TRPC5: variants seen among roughly 807,000 people sequenced by gnomAD.
TRPC5 encodes transient receptor potential cation channel subfamily C member 5.
A neutral mutation model predicts 56.5 loss-of-function variants in TRPC5; 9 were observed. That is an observed-to-expected ratio of 0.16 (90% confidence interval 0.10 to 0.28). The LOEUF is 0.28. Ranked by LOEUF, TRPC5 falls within the 10% of genes least tolerant of loss-of-function variation. TRPC5 has a pLI of 1.00. For missense variants in TRPC5, 469 were observed against 748.9 expected (o/e 0.63, Z 4.36); for synonymous variants, 282 against 278.5 (o/e 1.01, Z -0.13).
At chrX:111,866,064 G>C (rs1406872836) in intron 3 of TRPC5, among the ~76,000 whole-genome samples, 1 of 113,108 alleles carries the variant, frequency 8.8e-6, no homozygotes, top group Non-Finnish European at 1.9e-5. Context: ...GGTGGAGCCA[G>C]GACTGGGGAA....
chrX:111,994,590 T>C (rs766884710), intron 1 of TRPC5, among the ~76,000 whole-genome samples: 1 of 111,645 alleles, frequency 9.0e-6, no homozygotes, highest in East Asian at 2.8e-4. Flanking sequence ...GAGCAGTGGT[T>C]TGTAGTTCTC....
chrX:111,937,826 C>A (rs1312132564), intron 2 of TRPC5, among the ~76,000 whole-genome samples: 1 of 106,488 alleles, frequency 9.4e-6, no homozygotes, highest in Non-Finnish European at 1.9e-5. Context: ...CTTGGCCATG[C>A]GGGCTCTTTT....
intron 1 of TRPC5, among the ~76,000 whole-genome samples, chrX:112,051,871 C>A (rs1449667944): frequency 8.9e-6 from 1 of 112,134 alleles, no homozygotes; most frequent in African/African-American, 3.2e-5. Context: ...TTGATTCACA[C>A]AGAAGTTGGC....
intron 1 of TRPC5, among the ~76,000 whole-genome samples, chrX:112,018,520 G>A (rs1248192717): frequency 8.9e-6 from 1 of 112,111 alleles, no homozygotes; most frequent in Non-Finnish European, 1.9e-5. Flanking sequence ...TCTTTCTCAT[G>A]TCTTTTCAGA....
chrX:111,833,491 T>A (rs1480430694), intron 7 of TRPC5, among the ~76,000 whole-genome samples: 1 of 111,223 alleles, frequency 9.0e-6, no homozygotes, highest in Admixed American at 9.6e-5. Flanking sequence ...ATCTAAACTA[T>A]CCTAGCAGAC....
chrX:111,797,746 A>T (rs2179791), intron 7 of TRPC5, among the ~76,000 whole-genome samples: 2,063 of 111,527 alleles, frequency 0.018, 20 homozygotes, highest in Non-Finnish European at 0.026. Flanking sequence ...TGCTGTATTA[A>T]TCTAAGAAAC....
intron 1 of TRPC5, among the ~76,000 whole-genome samples, chrX:112,033,325 A>G (rs1375489543): frequency 1.6e-4 from 17 of 108,634 alleles, no homozygotes; most frequent in African/African-American, 5.7e-4. Context: ...ATATGTAACA[A>G]ACCTGCATGT....
chrX:112,041,616 C>T (rs774142611), intron 1 of TRPC5, among the ~76,000 whole-genome samples: 19 of 111,660 alleles, frequency 1.7e-4, no homozygotes, highest in African/African-American at 5.9e-4. Flanking sequence ...CTTAAAACTG[C>T]TATACTCTAC....
intron 1 of TRPC5, among the ~76,000 whole-genome samples, chrX:112,059,398 C>G (rs557708208): frequency 1.8e-5 from 2 of 112,401 alleles, no homozygotes; most frequent in East Asian, 2.8e-4. Flanking sequence ...TTCTCCTTGC[C>G]TACTGTTATT....
chrX:111,968,231 T>C (rs1239796007), intron 1 of TRPC5, among the ~76,000 whole-genome samples: 3 of 111,129 alleles, frequency 2.7e-5, no homozygotes, highest in South Asian at 3.8e-4. Context: ...AAAATGCTCA[T>C]CATCACTGGC....
chrX:111,937,195 G>GT (rs1319522366), intron 2 of TRPC5, among the ~76,000 whole-genome samples: 72 of 105,672 alleles, frequency 6.8e-4, no homozygotes, highest in African/African-American at 2.6e-3. Context: ...GGAGTTGTTT[G>GT]TTTTTTTCTT....
In TRPC5 at chrX:111,846,728, C is replaced by T. The variant is rs186022904; in HGVS notation, c.1700+386G>A. Among the ~76,000 whole-genome samples, 6 of 112,248 alleles carry T rather than the reference C, an allele frequency of 5.3e-5. No homozygotes were observed. In the East Asian group the frequency reaches 8.4e-4, roughly 16 times the overall value. On this transcript the variant is annotated intron_variant, in intron 6 of 10. Coordinates refer to ENST00000262839, the MANE Select transcript of TRPC5 (RefSeq NM_012471.3). The stretch of plus-strand genomic sequence containing the variant: ...AGTAAAGTTAGCTTTGGTAGCCACT[C>T]GTTCAGAGGAATAGCTTTGCTGTTT...
intron 3 of TRPC5, among the ~76,000 whole-genome samples, chrX:111,898,517 C>A (rs370731004): frequency 9.2e-6 from 1 of 108,762 alleles, no homozygotes; most frequent in East Asian, 2.9e-4. Context: ...GAAAGTTGTT[C>A]CTCCCTCCCT....
chrX:111,943,035 G>A (rs1926823206), intron 2 of TRPC5, among the ~76,000 whole-genome samples: 1 of 111,251 alleles, frequency 9.0e-6, no homozygotes, highest in African/African-American at 3.3e-5. Context: ...CATTTATTGA[G>A]TACTTACTAG....
In TRPC5 at chrX:111,989,086, G is replaced by A. The variant is rs1293758431; in HGVS notation, c.-21-36645C>T. Among the ~76,000 whole-genome samples, 3 of 111,338 alleles carry A rather than the reference G, an allele frequency of 2.7e-5. No homozygotes were observed. The East Asian group carries it at 8.4e-4, about 31-fold the overall frequency. Reference sequence around the variant, plus strand: ...CTTGTTCCCTTTGCCTCATCCTGACGATGTACCTGGATGCATATCCTATAC... The same window carrying A: ...CTTGTTCCCTTTGCCTCATCCTGACAATGTACCTGGATGCATATCCTATAC... On this transcript the variant is annotated intron_variant, in intron 1 of 10. Transcript: ENST00000262839.
At position 111,771,773 on chromosome X, in the gene TRPC5, CT is replaced by C. The variant is rs35353450; in HGVS notation, c.*4539del. ...CAGGTAAGTTATTCTGACCTAAATGCTTTTTTTTTTTTTAAACAAAACCAGG... is the reference window on the plus strand; with the variant it reads ...CAGGTAAGTTATTCTGACCTAAATGCTTTTTTTTTTTTAAACAAAACCAGG... On this transcript the variant is annotated 3_prime_UTR_variant, in exon 11 of 11. Transcript: ENST00000262839. Among the ~76,000 whole-genome samples, 8,874 of 100,812 alleles carry C rather than the reference CT, an allele frequency of 0.088. 839 individuals are homozygous for C. Among genetic ancestry groups the C allele is most frequent in the African/African-American group, 0.27 (7,632 of 28,127 alleles). The allele number at this position is 100,812 out of a possible 115,157, so 87.5% of individuals were successfully genotyped here.
At chrX:111,987,917 T>G (rs1859018674) in intron 1 of TRPC5, among the ~76,000 whole-genome samples, 1 of 112,513 alleles carries the variant, frequency 8.9e-6, no homozygotes, top group South Asian at 3.6e-4. Context: ...TTCTGCCAAT[T>G]CAATTGTTAA....
chrX:111,950,241 C>T (rs1452644361), intron 2 of TRPC5, among the ~76,000 whole-genome samples: 1 of 110,158 alleles, frequency 9.1e-6, no homozygotes, highest in Non-Finnish European at 1.9e-5. Context: ...AGGAGAATGG[C>T]ATCAACCCAG....
intron 2 of TRPC5, among the ~76,000 whole-genome samples, chrX:111,921,619 TAAAG>T (rs1207995158): frequency 9.0e-6 from 1 of 110,512 alleles, no homozygotes; most frequent in Non-Finnish European, 1.9e-5. Context: ...AAAGGAAAAA[TAAAG>T]ATAGGGGGAG....
Sources: gnomAD v4.1 joint callset for allele counts (sites outside exome capture counted in the v4.1 genomes callset) on GRCh38, gnomAD v4.1.1 for gene constraint, MANE v1.5 for transcripts, NCBI Gene and HGNC (gene_info 2026-07-23, HGNC 2026-07-21) for gene names.